Variants in RAPH1 observed in about 807,000 individuals in gnomAD.
RAPH1 encodes Ras association (RalGDS/AF-6) and pleckstrin homology domains 1.
RAPH1 carries 18 observed loss-of-function variants against 88.1 expected under a neutral mutation model. The ratio of observed to expected loss-of-function variants is 0.20; its 90% CI spans 0.14 to 0.30. The LOEUF is 0.30. Ranked by LOEUF, RAPH1 falls within the 10% of genes least tolerant of loss-of-function variation. RAPH1 has a pLI of 1.00. For synonymous variants in RAPH1, 587 were observed against 559.0 expected, an observed-to-expected ratio of 1.05 and a Z score of -0.71; for missense variants, 1,448 against 1,543.2, an observed-to-expected ratio of 0.94 and a Z score of 1.03.
At chr2:203,533,791 C>A (rs554886025) in intron 1 of RAPH1, among the ~76,000 whole-genome samples, 16 of 152,034 alleles carry the variant, frequency 1.1e-4, no homozygotes, top group Non-Finnish European at 1.9e-4. Context: ...TGCTGTTAAA[C>A]ACCTCTATGC....
intron 1 of RAPH1, among the ~76,000 whole-genome samples, chr2:203,519,988 G>C (rs1689790995): frequency 3.9e-5 from 6 of 152,094 alleles, no homozygotes; most frequent in Admixed American, 3.3e-4. Context: ...TTTGTCACTG[G>C]AATTTCTTAA....
chr2:203,528,556 T>G (rs924601080), intron 1 of RAPH1, among the ~76,000 whole-genome samples: 1 of 152,158 alleles, frequency 6.6e-6, no homozygotes, highest in Admixed American at 6.6e-5. Context: ...TGTTCCTACA[T>G]GAGCTGCCTT....
chr2:203,493,971 C>CAAAAAAAAAAAAAAA (rs397937732), intron 2 of RAPH1, among the ~76,000 whole-genome samples: 9 of 18,960 alleles, frequency 4.7e-4, no homozygotes, highest in South Asian at 2.8e-3. Flanking sequence ...GACTCTATCT[C>CAAAAAAAAAAAAAAA]AAAAAAAAAA....
intron 1 of RAPH1, among the ~76,000 whole-genome samples, chr2:203,502,801 C>G (rs1470825350): frequency 6.9e-6 from 1 of 145,598 alleles, no homozygotes; most frequent in African/African-American, 2.6e-5. Flanking sequence ...GCCTAGGCAA[C>G]AGAGTGAGAC....
intron 1 of RAPH1, among the ~76,000 whole-genome samples, chr2:203,514,560 T>C (rs1689512051): frequency 6.6e-6 from 1 of 151,794 alleles, no homozygotes; most frequent in Non-Finnish European, 1.5e-5. Flanking sequence ...TTGTGGGGTT[T>C]TTTTGTTTTT....
intron 10 of RAPH1, among the ~76,000 whole-genome samples, chr2:203,451,325 A>C (rs2098514736): frequency 6.6e-6 from 1 of 152,202 alleles, no homozygotes; most frequent in South Asian, 2.1e-4. Context: ...TCCATGTTCC[A>C]AGAAGAAAGC....
Position 203,439,075 on chromosome 2 carries a change from T to C in RAPH1, c.*362A>G, listed in dbSNP as rs1472064108. 5.1e-6 allele frequency: 1 copy of C among 197,344 alleles called. No individual in the cohort carries two copies. The highest frequency in any genetic ancestry group is 1.1e-5 in the Non-Finnish European group (1 of 94,440). The allele number at this position is 197,344 out of a possible 1,614,324, so 12.2% of individuals were successfully genotyped here. A position where few individuals can be genotyped will look rare whatever the true frequency, so the allele number is the denominator to read the frequency against. ...TTATAAATACCTTCTAAATAAGTGA[T>C]TAGAAGTTTTTGGTCCAATCCACAT... is the stretch of plus-strand genomic sequence containing the variant. On this transcript the variant is annotated 3_prime_UTR_variant, in exon 14 of 14. Transcript: ENST00000319170.
chr2:203,457,632 A>AG (rs762622199), intron 7 of RAPH1, 37 bp from the exon 8 acceptor site: 66 of 1,442,482 alleles, frequency 4.6e-5, no homozygotes, highest in Non-Finnish European at 5.6e-5. Context: ...TGGGTGGGAG[A>AG]GAAAAAAAGA....
chr2:203,438,793 T>C lies in RAPH1; in HGVS notation c.*644A>G, dbSNP rs2098500554. The C allele has an allele frequency of 6.5e-6, 1 of 154,296 alleles. No individual in the cohort carries two copies. Among genetic ancestry groups the C allele is most frequent in the Non-Finnish European group, 1.4e-5 (1 of 69,400 alleles). The allele number at this position is 154,296 out of a possible 1,614,324, so 9.6% of individuals were successfully genotyped here. A position where few individuals can be genotyped will look rare whatever the true frequency, so the allele number is the denominator to read the frequency against. ...CACATACAGATGATGTCTGTGAACA[T>C]TTCCCCATCCTGCACTAGTTACCCG... On this transcript the variant is annotated 3_prime_UTR_variant, in exon 14 of 14. Coordinates refer to ENST00000319170, the MANE Select transcript of RAPH1 (RefSeq NM_213589.3).
intron 1 of RAPH1, among the ~76,000 whole-genome samples, chr2:203,518,273 T>C (rs1689705991): frequency 6.6e-6 from 1 of 152,054 alleles, no homozygotes; most frequent in Non-Finnish European, 1.5e-5. Flanking sequence ...CCCAGCACTT[T>C]GAAAGGACAA....
chr2:203,522,911 A>G (rs1384461371), intron 1 of RAPH1, among the ~76,000 whole-genome samples: 48 of 151,324 alleles, frequency 3.2e-4, no homozygotes, highest in South Asian at 1.5e-3. Context: ...AAAAAAAAAA[A>G]AAAAAGAAAA....
intron 3 of RAPH1, among the ~76,000 whole-genome samples, 154 bp downstream of exon 3, chr2:203,491,060 A>G (rs1284069735): frequency 1.3e-5 from 2 of 151,398 alleles, no homozygotes; most frequent in African/African-American, 2.4e-5. Context: ...AAAAAAAAAA[A>G]GAAAAAAGAA....
At chr2:203,466,053 C>CA (rs1011956978) in intron 4 of RAPH1, among the ~76,000 whole-genome samples, 2 of 152,176 alleles carry the variant, frequency 1.3e-5, no homozygotes, top group African/African-American at 4.8e-5. Flanking sequence ...TCCATTTGCT[C>CA]AAAATGCTAC....
chr2:203,450,532 G>A (rs2098513976), intron 10 of RAPH1, among the ~76,000 whole-genome samples: 1 of 152,226 alleles, frequency 6.6e-6, no homozygotes, highest in Non-Finnish European at 1.5e-5. Flanking sequence ...TATAAAAGGA[G>A]GAAGGGGGAT....
At position 203,454,436 on chromosome 2, in the gene RAPH1, C is replaced by T. The variant is rs756009318; in HGVS notation, c.1407G>A (p.Val469=). 6.2e-7 allele frequency: 1 copy of T among 1,605,572 alleles called. No homozygotes were observed. Among genetic ancestry groups the T allele is most frequent in the Non-Finnish European group, 8.5e-7 (1 of 1,173,708 alleles). Residue 469 remains valine, a synonymous_variant, in exon 10 of 14, where the codon GTG becomes GTA. Coordinates refer to ENST00000319170, the MANE Select transcript of RAPH1 (RefSeq NM_213589.3). ...AAAAGAAATATGTGTTTACCTTCAGCACCAGACAATAGTCTGTAGGTGCTT... is the reference window on the plus strand; with the variant it reads ...AAAAGAAATATGTGTTTACCTTCAGTACCAGACAATAGTCTGTAGGTGCTT... ...KYKAPTDYCL[V]LKHPQIQKKS...
At chr2:203,452,423 A>G (rs2098515693) in intron 10 of RAPH1, among the ~76,000 whole-genome samples, 1 of 152,226 alleles carries the variant, frequency 6.6e-6, no homozygotes, top group South Asian at 2.1e-4. Flanking sequence ...AACCAACAGA[A>G]TTCTGTACAG....
At chr2:203,459,095 T>A (rs1420894594) in intron 7 of RAPH1, among the ~76,000 whole-genome samples, 23 of 152,138 alleles carry the variant, frequency 1.5e-4, no homozygotes, top group Admixed American at 1.5e-3. Flanking sequence ...GGTCTCGATC[T>A]CCTGACCTTG....
At chr2:203,531,689 G>A (rs559954395) in intron 1 of RAPH1, among the ~76,000 whole-genome samples, 55 of 152,148 alleles carry the variant, frequency 3.6e-4, no homozygotes, top group African/African-American at 1.2e-3. Flanking sequence ...ACCACACCAC[G>A]CCCATTAGAA....
chr2:203,475,719 A>G (rs1198964214), intron 4 of RAPH1, among the ~76,000 whole-genome samples: 1 of 144,006 alleles, frequency 6.9e-6, no homozygotes, highest in African/African-American at 2.6e-5. Context: ...GTCCACTCAT[A>G]TTTCTGTTCT....
Sources: allele counts gnomAD v4.1 joint callset (sites outside exome capture counted in the v4.1 genomes callset), GRCh38; gene constraint gnomAD v4.1.1; transcripts MANE v1.5; gene names NCBI Gene and HGNC (gene_info 2026-07-23, HGNC 2026-07-21).